The following PDE6D variants were observed in gnomAD, a reference collection of about 807,000 sequenced individuals.
PDE6D encodes the protein phosphodiesterase 6D.
PDE6D carries 10 observed loss-of-function variants against 21.9 expected under a neutral mutation model. The observed-to-expected ratio is 0.46, with a 90% confidence interval of 0.28 to 0.78. The LOEUF (loss-of-function observed/expected upper bound fraction) is 0.78. Ranked by LOEUF, PDE6D falls within the 30% of genes least tolerant of loss-of-function variation. PDE6D has a pLI of 0.12. For synonymous variants in PDE6D, 59 were observed against 63.5 expected (o/e 0.93, Z 0.34); for missense variants, 139 against 184.8 (o/e 0.75, Z 1.44).
At chr2:231,747,265 A>AT (rs1351205049) in intron 1 of PDE6D, among the ~76,000 whole-genome samples, 2 of 151,990 alleles carry the variant, frequency 1.3e-5, no homozygotes, top group Non-Finnish European at 2.9e-5. Flanking sequence ...TAATTTTTGT[A>AT]TTTTTAGTAG....
chr2:231,773,240 A>C (rs1313123037), intron 1 of PDE6D, among the ~76,000 whole-genome samples: 1 of 152,180 alleles, frequency 6.6e-6, no homozygotes, highest in East Asian at 1.9e-4. Context: ...GAAAAGAAAA[A>C]AAGAATCCTA....
intron 1 of PDE6D, among the ~76,000 whole-genome samples, chr2:231,773,884 T>A (rs992787816): frequency 2.6e-5 from 4 of 152,228 alleles, no homozygotes; most frequent in Non-Finnish European, 4.4e-5. Flanking sequence ...GCATTAGTTA[T>A]ATCTCAGAGA....
chr2:231,778,391 T>C (rs996641455), intron 1 of PDE6D, among the ~76,000 whole-genome samples: 4 of 152,288 alleles, frequency 2.6e-5, no homozygotes, highest in South Asian at 4.1e-4. Context: ...TATTACAATA[T>C]GTAAAGAACA....
intron 1 of PDE6D, among the ~76,000 whole-genome samples, chr2:231,762,764 T>A (rs2048941823): frequency 6.6e-6 from 1 of 152,070 alleles, no homozygotes; most frequent in Non-Finnish European, 1.5e-5. Flanking sequence ...CTTACCCTAT[T>A]CAGCTAATCT....
chr2:231,753,022 G>A (rs2048854189), intron 1 of PDE6D, among the ~76,000 whole-genome samples: 1 of 149,058 alleles, frequency 6.7e-6, no homozygotes, highest in African/African-American at 2.4e-5. Context: ...TAGTAGAGAC[G>A]GGGTTTCACC....
chr2:231,756,025 G>T (rs1039034067), intron 1 of PDE6D, among the ~76,000 whole-genome samples: 1 of 152,118 alleles, frequency 6.6e-6, no homozygotes, highest in Non-Finnish European at 1.5e-5. Context: ...GTTAAAAGAG[G>T]TAAAAATGTG....
chr2:231,780,864 C>T (rs1217242053), intron 1 of PDE6D, among the ~76,000 whole-genome samples: 2 of 152,220 alleles, frequency 1.3e-5, no homozygotes, highest in Non-Finnish European at 2.9e-5. Context: ...GTCAACGTCC[C>T]CTTCCTCCCT....
At chr2:231,765,658 C>T (rs1460267102) in intron 1 of PDE6D, among the ~76,000 whole-genome samples, 1 of 152,198 alleles carries the variant, frequency 6.6e-6, no homozygotes, top group African/African-American at 2.4e-5. Context: ...AGAAAAACCT[C>T]TCCCTTCTCA....
chr2:231,746,910 T>TA (rs67108912), intron 1 of PDE6D, among the ~76,000 whole-genome samples: 52,632 of 151,872 alleles, frequency 0.35, 9,525 homozygotes, highest in African/African-American at 0.44. Context: ...AATTTGGAGA[T>TA]AGATCCCATA....
chr2:231,769,695 C>G (rs1056564643), intron 1 of PDE6D, among the ~76,000 whole-genome samples: 44 of 152,128 alleles, frequency 2.9e-4, no homozygotes, highest in African/African-American at 1.0e-3. Context: ...CTCACTGTAG[C>G]CTCGAATTCC....
In PDE6D at chr2:231,739,778, C is replaced by T. The variant is rs1246206580; in HGVS notation, c.51-590G>A. ...TCCTGAGTAGCTGGAATTATAGGAG[C>T]ACGTCACCAAGCCCAGCTTATTTTT... is the stretch of plus-strand genomic sequence containing the variant. On this transcript the variant is annotated intron_variant, in intron 1 of 4. Coordinates refer to ENST00000287600, the MANE Select transcript of PDE6D (RefSeq NM_002601.4). This position sits in a 1 kb window ranked among gnomAD's most constrained non-coding sequence, Gnocchi z 4.2. 6.6e-6 allele frequency among the ~76,000 whole-genome samples: 1 copy of T among 152,024 alleles called. No individual in the cohort carries two copies. Among genetic ancestry groups the T allele is most frequent in the Non-Finnish European group, 1.5e-5 (1 of 68,002 alleles).
intron 1 of PDE6D, among the ~76,000 whole-genome samples, chr2:231,769,486 A>AT (rs1409467685): frequency 6.6e-6 from 1 of 152,114 alleles, no homozygotes. Flanking sequence ...CACACATGGC[A>AT]TAATTATGAC....
At chr2:231,749,996 C>G (rs1002916625) in intron 1 of PDE6D, among the ~76,000 whole-genome samples, 2 of 152,082 alleles carry the variant, frequency 1.3e-5, no homozygotes, top group African/African-American at 4.8e-5. Flanking sequence ...ACCAAAATCT[C>G]AACTTGAATT....
intron 1 of PDE6D, among the ~76,000 whole-genome samples, chr2:231,750,519 C>G (rs1213456530): frequency 3.4e-5 from 5 of 145,034 alleles, no homozygotes; most frequent in Non-Finnish European, 4.5e-5. Flanking sequence ...GTCTCACTCA[C>G]TCTGTTTCAC....
intron 3 of PDE6D, chr2:231,737,761 C>A (rs1241111786): frequency 4.6e-6 from 2 of 438,882 alleles, no homozygotes; most frequent in East Asian, 7.9e-5. Flanking sequence ...TATCACAATA[C>A]AACGTCAGTG....
chr2:231,737,740 C>T (rs1356959758), intron 3 of PDE6D: 1 of 395,744 alleles, frequency 2.5e-6, no homozygotes, highest in Non-Finnish European at 4.6e-6. Context: ...TAGCAGCTTC[C>T]TCCATGATCA....
chr2:231,757,227 A>T (rs2048889573), intron 1 of PDE6D, among the ~76,000 whole-genome samples: 1 of 151,860 alleles, frequency 6.6e-6, no homozygotes, highest in Non-Finnish European at 1.5e-5. Flanking sequence ...CCCAACAGAC[A>T]TCTCCTTTTA....
At chr2:231,750,481 C>CATTTTTTTT (rs1553557786) in intron 1 of PDE6D, among the ~76,000 whole-genome samples, 1 of 133,562 alleles carries the variant, frequency 7.5e-6, no homozygotes. Context: ...ATCCATATCA[C>CATTTTTTTT]TTTTTTTTTT....
At chr2:231,761,418 C>T (rs183042505) in intron 1 of PDE6D, among the ~76,000 whole-genome samples, 63 of 152,312 alleles carry the variant, frequency 4.1e-4, no homozygotes, top group African/African-American at 1.2e-3. Flanking sequence ...CCTCGTGATC[C>T]GCCTGCCTTG....
Sources: gnomAD v4.1 joint callset for allele counts (sites outside exome capture counted in the v4.1 genomes callset) on GRCh38, gnomAD v4.1.1 for gene constraint, Gnocchi (gnomAD v3.1) non-coding constraint, MANE v1.5 for transcripts, NCBI Gene and HGNC (gene_info 2026-07-23, HGNC 2026-07-21) for gene names.